CCDC148: variants seen among roughly 807,000 people sequenced by gnomAD.
CCDC148 encodes coiled-coil domain-containing protein 148.
CCDC148 carries 89 observed loss-of-function variants against 85.7 expected under a neutral mutation model. The observed-to-expected ratio is 1.04, with a 90% confidence interval of 0.87 to 1.24. The LOEUF is 1.24. Among genes scored for constraint, CCDC148 ranks in the 50% most tolerant of loss-of-function variants. The pLI is 0.00. For synonymous variants in CCDC148, 230 were observed against 213.9 expected (o/e 1.08, Z -0.66); for missense variants, 692 against 671.7 (o/e 1.03, Z -0.33).
chr2:158,332,912 TTCTTC>T (rs1207229048), intron 7 of CCDC148, among the ~76,000 whole-genome samples: 3 of 151,922 alleles, frequency 2.0e-5, no homozygotes, highest in Non-Finnish European at 4.4e-5. Context: ...GTCTACTTGA[TTCTTC>T]TCTTTTCTTT....
At position 158,177,424 on chromosome 2, in the gene CCDC148, C is replaced by A. The variant is rs539413189; in HGVS notation, c.1489-763G>T. On this transcript the variant is annotated intron_variant, in intron 12 of 13. Coordinates refer to ENST00000283233, the MANE Select transcript of CCDC148 (RefSeq NM_138803.4). ...CCATTTAAAGACTGTAATAAAATAA[C>A]TGAGGGTTGAACATGCTTTAATTAT... Among the ~76,000 whole-genome samples the A allele has an allele frequency of 3.3e-5, 5 of 152,186 alleles. No individual in the cohort carries two copies. The South Asian group carries it at 8.3e-4, about 25-fold the overall frequency.
At chr2:158,207,603 C>G (rs1686321189) in intron 11 of CCDC148, 1 of 152,114 alleles carries the variant, frequency 6.6e-6, no homozygotes, top group Non-Finnish European at 1.5e-5. Context: ...ATGAAGCAAA[C>G]AGACAGAAAA....
intron 2 of CCDC148, among the ~76,000 whole-genome samples, chr2:158,346,814 C>T (rs1403682481): frequency 6.6e-6 from 1 of 152,138 alleles, no homozygotes. Context: ...ATAATGCATG[C>T]TATTTCCAGC....
chr2:158,238,039 T>A (rs370311405), intron 10 of CCDC148, among the ~76,000 whole-genome samples: 6 of 151,588 alleles, frequency 4.0e-5, no homozygotes, highest in African/African-American at 1.2e-4. Context: ...AGTGCGACAT[T>A]GCTGGAGCGG....
intron 11 of CCDC148, among the ~76,000 whole-genome samples, chr2:158,201,285 A>G (rs1685940882): frequency 6.6e-6 from 1 of 152,208 alleles, no homozygotes; most frequent in Non-Finnish European, 1.5e-5. Flanking sequence ...AAATATTTCG[A>G]AGTCTCAATA....
At chr2:158,235,572 A>G (rs1424123195) in intron 10 of CCDC148, among the ~76,000 whole-genome samples, 2 of 152,206 alleles carry the variant, frequency 1.3e-5, no homozygotes, top group Non-Finnish European at 2.9e-5. Context: ...GTTCTCTATT[A>G]TTAGCAAATA....
chr2:158,247,598 T>C (rs945549250), intron 10 of CCDC148, among the ~76,000 whole-genome samples: 1 of 152,172 alleles, frequency 6.6e-6, no homozygotes, highest in East Asian at 1.9e-4. Flanking sequence ...AGCTCACACC[T>C]GTAATCCCAG....
chr2:158,226,686 C>G (rs1395377521), intron 10 of CCDC148, among the ~76,000 whole-genome samples: 2 of 152,178 alleles, frequency 1.3e-5, no homozygotes, highest in South Asian at 2.1e-4. Context: ...AGCATATAAA[C>G]AGAACCAACG....
intron 1 of CCDC148, among the ~76,000 whole-genome samples, chr2:158,376,302 A>G (rs1684647213): frequency 6.6e-6 from 1 of 152,076 alleles, no homozygotes; most frequent in Non-Finnish European, 1.5e-5. Context: ...GGAAAGAAAA[A>G]AATCCTCAGA....
intron 10 of CCDC148, among the ~76,000 whole-genome samples, chr2:158,223,422 G>A (rs1238506494): frequency 6.6e-6 from 1 of 152,202 alleles, no homozygotes; most frequent in Admixed American, 6.5e-5. Flanking sequence ...AAAGGCAGCA[G>A]AAACCTCTGC....
At chr2:158,381,244 A>G (rs1373103274) in intron 1 of CCDC148, among the ~76,000 whole-genome samples, 2 of 152,168 alleles carry the variant, frequency 1.3e-5, no homozygotes, top group African/African-American at 4.8e-5. Flanking sequence ...ACATATGTAT[A>G]TATTAAAGCA....
At chr2:158,313,705 G>A in intron 8 of CCDC148, 51 bp downstream of exon 8, 1 of 1,528,306 alleles carries the variant, frequency 6.5e-7, no homozygotes, top group Non-Finnish European at 8.8e-7. Context: ...AATAATTATT[G>A]ACTACTAAAA....
intron 2 of CCDC148, among the ~76,000 whole-genome samples, chr2:158,354,641 C>T (rs950653135): frequency 3.9e-5 from 6 of 152,182 alleles, no homozygotes; most frequent in African/African-American, 1.4e-4. Context: ...CTGAATTCTA[C>T]CAGAGGTACA....
intron 11 of CCDC148, among the ~76,000 whole-genome samples, chr2:158,208,921 T>A (rs1686400494): frequency 6.6e-6 from 1 of 152,136 alleles, no homozygotes; most frequent in South Asian, 2.1e-4. Flanking sequence ...CAAAATTATA[T>A]GACGCTGTAA....
chr2:158,176,718 C>G, intron 12 of CCDC148, 57 bp from the exon 13 acceptor site: 1 of 1,591,012 alleles, frequency 6.3e-7, no homozygotes, highest in Non-Finnish European at 8.6e-7. Context: ...TATTTCTGGG[C>G]AACATTATTG....
intron 1 of CCDC148, among the ~76,000 whole-genome samples, chr2:158,368,954 C>T (rs1684315439): frequency 6.6e-6 from 1 of 151,562 alleles, no homozygotes; most frequent in South Asian, 2.1e-4. Context: ...TTTTAATACA[C>T]TGAGGAAGGA....
At position 158,406,629 on chromosome 2, in the gene CCDC148, T is replaced by TTTTTTTGTTTTTGTTTGTG; in HGVS notation, c.26-48060_26-48059insCACAAACAAAAACAAAAAA. On this transcript the variant is annotated intron_variant, in intron 1 of 13. Coordinates refer to ENST00000283233, the MANE Select transcript of CCDC148 (RefSeq NM_138803.4). ...ATTAAATTTCTTTTTTTTTTTTTTT[T>TTTTTTTGTTTTTGTTTGTG]TTTTTTTTTTTGAGACAGTGTCTCC... Among the ~76,000 whole-genome samples, 2 of 117,490 alleles carry TTTTTTTGTTTTTGTTTGTG rather than the reference T, an allele frequency of 1.7e-5. 1 individual carries two copies. The highest frequency in any genetic ancestry group is 3.5e-5 in the Non-Finnish European group (2 of 57,142). The allele number at this position is 117,490 out of a possible 152,430, so 77.1% of individuals were successfully genotyped here. A position where few individuals can be genotyped will look rare whatever the true frequency, so the allele number is the denominator to read the frequency against.
intron 1 of CCDC148, among the ~76,000 whole-genome samples, chr2:158,384,918 C>A (rs577850712): frequency 9.9e-5 from 15 of 152,146 alleles, no homozygotes; most frequent in Non-Finnish European, 1.9e-4. Flanking sequence ...ATATCACCAG[C>A]CTGAGTTATT....
At chr2:158,185,670 T>C (rs1252389393) in intron 11 of CCDC148, among the ~76,000 whole-genome samples, 1 of 152,038 alleles carries the variant, frequency 6.6e-6, no homozygotes, top group Non-Finnish European at 1.5e-5. Context: ...GTTGCAAATA[T>C]CATATTAGCT....
Sources: gnomAD v4.1 joint callset for allele counts (sites outside exome capture counted in the v4.1 genomes callset) on GRCh38, gnomAD v4.1.1 for gene constraint, MANE v1.5 for transcripts, NCBI Gene and HGNC (gene_info 2026-07-23, HGNC 2026-07-21) for gene names.